RXRA: variants seen among roughly 807,000 people sequenced by gnomAD.
RXRA encodes retinoid X receptor alpha.
A neutral mutation model predicts 44.5 loss-of-function variants in RXRA; 5 were observed. The observed-to-expected ratio is 0.11, with a 90% CI of 0.06 to 0.24. The LOEUF is 0.24. Among genes scored for constraint, RXRA ranks in the 10% least tolerant of loss-of-function variants. The pLI is 1.00. For missense variants in RXRA, 412 were observed against 646.5 expected, an observed-to-expected ratio of 0.64 and a Z score of 3.93; for synonymous variants, 291 against 271.4, an observed-to-expected ratio of 1.07 and a Z score of -0.71.
At chr9:134,368,219 C>T (rs1830438058) in intron 1 of RXRA, among the ~76,000 whole-genome samples, 1 of 152,212 alleles carries the variant, frequency 6.6e-6, no homozygotes, top group Admixed American at 6.5e-5. Context: ...CTGTGGCTCC[C>T]ACAGTGCCCT....
rs1202924007 is a variant in RXRA at position 134,421,800 on chromosome 9, G to A, written c.905G>A (p.Arg302Gln). 2 of 1,612,824 alleles carry A rather than the reference G, an allele frequency of 1.2e-6. No individual in the cohort carries two copies. Among genetic ancestry groups the A allele is most frequent in the Non-Finnish European group, 1.7e-6 (2 of 1,179,376 alleles). Residue 302 changes from arginine (R) to glutamine (Q), a missense_variant, in exon 6 of 10, where the codon CGG becomes CAG. Physicochemically the swap from Arg to Gln is conservative, Grantham distance 43. This residue lies in a region of RXRA where 141 missense variants were observed against 270.8 expected (regional missense o/e 0.52). Transcript: ENST00000481739. ...LPLDDQVILL[R>Q]AGWNELLIAS... ...CTGGACGACCAGGTCATCCTGCTGC[G>A]GGCAGGTGAGTGGCGAGGCCTAGGT...
chr9:134,368,517 C>CTGT (rs1174933718), intron 1 of RXRA, among the ~76,000 whole-genome samples: 1 of 152,118 alleles, frequency 6.6e-6, no homozygotes, highest in Non-Finnish European at 1.5e-5. Context: ...GTGTGCCGTT[C>CTGT]TGTTAGGGTG....
At chr9:134,370,993 G>A (rs1830484659) in intron 1 of RXRA, among the ~76,000 whole-genome samples, 1 of 151,940 alleles carries the variant, frequency 6.6e-6, no homozygotes, top group Admixed American at 6.5e-5. Context: ...AGGGCTTGGG[G>A]AAGAGGCCGC....
intron 1 of RXRA, among the ~76,000 whole-genome samples, chr9:134,326,936 C>T (rs1834923814): frequency 6.6e-6 from 1 of 150,498 alleles, no homozygotes; most frequent in Non-Finnish European, 1.5e-5. Flanking sequence ...GTCTCCCGCT[C>T]ACCGGCGGCC....
At chr9:134,346,682 A>G (rs1554748851) in intron 1 of RXRA, among the ~76,000 whole-genome samples, 1 of 152,176 alleles carries the variant, frequency 6.6e-6, no homozygotes, top group African/African-American at 2.4e-5. Context: ...GATGCCCCCA[A>G]GGGTGGAGCC....
chr9:134,361,204 G>A (rs1320051632), intron 1 of RXRA, among the ~76,000 whole-genome samples: 2 of 152,164 alleles, frequency 1.3e-5, no homozygotes, highest in African/African-American at 2.4e-5. Context: ...AACCTTTTCC[G>A]GTTGGGCACT....
chr9:134,393,067 A>G (rs1285788901), intron 1 of RXRA, among the ~76,000 whole-genome samples: 1 of 151,176 alleles, frequency 6.6e-6, no homozygotes, highest in Non-Finnish European at 1.5e-5. Flanking sequence ...CCCGGGAATC[A>G]TGGGGAAGCG....
intron 6 of RXRA, 48 bp from the exon 7 acceptor site, chr9:134,429,060 C>T (rs1297735247): frequency 6.2e-7 from 1 of 1,606,136 alleles, no homozygotes; most frequent in Non-Finnish European, 8.5e-7. Context: ...AAGGGGCGAG[C>T]CCCGTGGGGC....
chr9:134,384,700 G>C (rs1830693664), intron 1 of RXRA, among the ~76,000 whole-genome samples: 1 of 152,198 alleles, frequency 6.6e-6, no homozygotes. Context: ...TCGGCCTGGG[G>C]GCGAGGGTTC....
intron 1 of RXRA, among the ~76,000 whole-genome samples, chr9:134,386,280 C>T (rs964983723): frequency 1.3e-5 from 2 of 152,260 alleles, no homozygotes; most frequent in Admixed American, 6.5e-5. Flanking sequence ...CCGATGGGGC[C>T]GCCCCTGTGG....
rs1831250698 is a variant in RXRA at position 134,417,303 on chromosome 9, A to G, written c.756A>G (p.Ala252=). ...CCAAGACCGAGACCTACGTGGAGGCAAACATGGGGCTGAACCCCAGCTCGG... is the reference window on the plus strand; with the variant it reads ...CCAAGACCGAGACCTACGTGGAGGCGAACATGGGGCTGAACCCCAGCTCGG... ...VEPKTETYVE[A]NMGLNPSSPN... Residue 252 remains alanine, a synonymous_variant, in exon 5 of 10, where the codon GCA becomes GCG. Transcript: ENST00000481739. The surrounding 1 kb of genome is among the most constrained non-coding windows in gnomAD (Gnocchi z 6.1). 1 of 1,613,774 alleles carries G rather than the reference A, an allele frequency of 6.2e-7. No individual in the cohort carries two copies. Among genetic ancestry groups the G allele is most frequent in the Non-Finnish European group, 8.5e-7 (1 of 1,179,962 alleles).
chr9:134,408,122 G>T (rs535109006), intron 2 of RXRA, 27 bp from the exon 3 acceptor site: 14 of 1,511,706 alleles, frequency 9.3e-6, no homozygotes, highest in Non-Finnish European at 1.2e-5. Flanking sequence ...TGTACACCCC[G>T]CTGACTGCTG....
At chr9:134,419,440 GC>G (rs927140860) in intron 5 of RXRA, among the ~76,000 whole-genome samples, 9 of 152,192 alleles carry the variant, frequency 5.9e-5, no homozygotes, top group African/African-American at 2.2e-4. Flanking sequence ...GTCTCTCTGT[GC>G]CCGCTCACTC....
At chr9:134,401,483 G>C in intron 1 of RXRA, 149 bp from the exon 2 acceptor site, 1 of 1,246,586 alleles carries the variant, frequency 8.0e-7, no homozygotes, top group African/African-American at 1.5e-5. Context: ...GTGAATTTGC[G>C]TCAGAGAGCT....
chr9:134,436,999 CG>C lies in RXRA; in HGVS notation c.*386del, dbSNP rs766486658. ...GGCTTTTGTTTCCGTTGCTGTTTATCGATGCTGGTTTTCAGAATTCCTGTGT... is the reference window on the plus strand; with the variant it reads ...GGCTTTTGTTTCCGTTGCTGTTTATCATGCTGGTTTTCAGAATTCCTGTGT... On this transcript the variant is annotated 3_prime_UTR_variant, in exon 10 of 10. Coordinates refer to ENST00000481739, the MANE Select transcript of RXRA (RefSeq NM_002957.6). 3.4e-4 allele frequency: 72 copies of C among 214,516 alleles called. 1 individual carries two copies. Among genetic ancestry groups the C allele is most frequent in the Non-Finnish European group, 6.2e-4 (65 of 105,686 alleles). 13.3% of individuals were successfully genotyped at this position (214,516 alleles called of 1,614,324 possible).
At chr9:134,386,931 G>A (rs570733062) in intron 1 of RXRA, among the ~76,000 whole-genome samples, 1 of 152,330 alleles carries the variant, frequency 6.6e-6, no homozygotes, top group Non-Finnish European at 1.5e-5. Context: ...GCTGGGTTGT[G>A]GCAGGGACTT....
In RXRA at chr9:134,417,382, C is replaced by T. The variant is rs1831253369; in HGVS notation, c.780+55C>T. ...GCCTCACATGCCTCAGTTTCCCTCACTCACTCACCCTCCCACCTGAGCAGC... is the reference window on the plus strand; with the variant it reads ...GCCTCACATGCCTCAGTTTCCCTCATTCACTCACCCTCCCACCTGAGCAGC... On this transcript the variant is annotated intron_variant, in intron 5 of 9. Transcript: ENST00000481739. This position sits in a 1 kb window ranked among gnomAD's most constrained non-coding sequence, Gnocchi z 6.1. 1 of 1,573,864 alleles carries T rather than the reference C, an allele frequency of 6.4e-7. No individual in the cohort carries two copies. Among genetic ancestry groups the T allele is most frequent in the Non-Finnish European group, 8.7e-7 (1 of 1,152,952 alleles).
At chr9:134,369,929 C>T (rs569590990) in intron 1 of RXRA, among the ~76,000 whole-genome samples, 6 of 152,294 alleles carry the variant, frequency 3.9e-5, no homozygotes, top group Admixed American at 1.3e-4. Flanking sequence ...TGTTTGCACA[C>T]GTGGGAGCTC....
chr9:134,387,752 G>A (rs908807861), intron 1 of RXRA, among the ~76,000 whole-genome samples: 9 of 152,218 alleles, frequency 5.9e-5, no homozygotes, highest in African/African-American at 1.7e-4. Flanking sequence ...TTGTCCCGGC[G>A]CCAGCCCTGA....
Sources: gnomAD v4.1 joint callset for allele counts (sites outside exome capture counted in the v4.1 genomes callset) on GRCh38, gnomAD v4.1.1 for gene constraint, gnomAD v4.1.1 regional missense constraint, Gnocchi (gnomAD v3.1) non-coding constraint, MANE v1.5 for transcripts, NCBI Gene and HGNC (gene_info 2026-07-23, HGNC 2026-07-21) for gene names.